Variants in MCC observed in about 807,000 individuals in gnomAD.
MCC encodes the protein MCC regulator of Wnt signaling pathway, also known as colorectal mutant cancer protein.
In MCC, 90 loss-of-function variants were observed where a neutral mutation model predicts 116.2. The observed-to-expected ratio is 0.77, with a 90% CI of 0.65 to 0.92. The LOEUF is 0.92. Ranked by LOEUF, MCC falls within the 40% of genes least tolerant of loss-of-function variation. MCC has a pLI of 0.00. For missense variants in MCC, 1,516 were observed against 1,312.2 expected, an observed-to-expected ratio of 1.16 and a Z score of -2.40; for synonymous variants, 578 against 510.5, an observed-to-expected ratio of 1.13 and a Z score of -1.78.
chr5:113,066,496 A>C lies in MCC; in HGVS notation c.2029+1584T>G, dbSNP rs561327826. ...GGGCTGGTAATACTATTTAAAAAAA[A>C]CCAGAGGGAGGATCAGAGCATCACT... is the stretch of plus-strand genomic sequence containing the variant. On this transcript the variant is annotated intron_variant, in intron 13 of 18. Transcript: ENST00000408903. Among the ~76,000 whole-genome samples, 44 of 152,310 alleles carry C rather than the reference A, an allele frequency of 2.9e-4. No homozygotes were observed. In the South Asian group the frequency reaches 9.1e-3, roughly 32 times the overall value.
Position 113,132,381 on chromosome 5 carries a change from TACATACATATATATATAC to T in MCC, c.885-9573_885-9556del, listed in dbSNP as rs1202423570. 7.5e-3 allele frequency among the ~76,000 whole-genome samples: 963 copies of T among 128,214 alleles called. 3 individuals carry two copies. The highest frequency in any genetic ancestry group is 0.014 in the East Asian group (67 of 4,704). 84.1% of individuals were successfully genotyped at this position (128,214 alleles called of 152,430 possible). A position where few individuals can be genotyped will look rare whatever the true frequency, so the allele number is the denominator to read the frequency against. On this transcript the variant is annotated intron_variant, in intron 5 of 18. Transcript: ENST00000408903. ...ATATGTGTGTGTGTGTGTATATATATACATACATATATATATACATACATACATATATATATACACACA... is the reference window on the plus strand; with the variant it reads ...ATATGTGTGTGTGTGTGTATATATATATACATACATATATATATACACACA...
chr5:113,232,434 A>C (rs1207016704), intron 3 of MCC, among the ~76,000 whole-genome samples: 1 of 152,160 alleles, frequency 6.6e-6, no homozygotes, highest in African/African-American at 2.4e-5. Flanking sequence ...ATGTGAGTCA[A>C]CATGTCCACA....
chr5:113,101,591 CAAG>C (rs1756413676), intron 8 of MCC, 145 bp downstream of exon 8: 2 of 745,178 alleles, frequency 2.7e-6, no homozygotes, highest in South Asian at 1.8e-5. Flanking sequence ...GAACTACTTT[CAAG>C]AAGGACTTCA....
At chr5:113,413,709 T>C (rs1290656519) in intron 1 of MCC, among the ~76,000 whole-genome samples, 1 of 152,214 alleles carries the variant, frequency 6.6e-6, no homozygotes, top group Non-Finnish European at 1.5e-5. Flanking sequence ...TTGTTGATCT[T>C]TTCAAAAAAC....
intron 1 of MCC, among the ~76,000 whole-genome samples, chr5:113,482,675 GT>G (rs1202809711): frequency 3.9e-5 from 6 of 152,074 alleles, no homozygotes; most frequent in Non-Finnish European, 5.9e-5. Flanking sequence ...TGTACAATTT[GT>G]AAATATTTTC....
chr5:113,112,818 C>G (rs1322755514), intron 6 of MCC, among the ~76,000 whole-genome samples: 1 of 152,192 alleles, frequency 6.6e-6, no homozygotes, highest in Non-Finnish European at 1.5e-5. Context: ...AAATGGAAGA[C>G]TTTTTATAAG....
chr5:113,096,121 T>C (rs7729055), intron 8 of MCC, among the ~76,000 whole-genome samples: 151,354 of 152,278 alleles, frequency 0.99, 75,230 homozygotes, highest in Non-Finnish European at 1. Context: ...CCCTAGCAGA[T>C]GCCGGGCTTA....
intron 11 of MCC, among the ~76,000 whole-genome samples, chr5:113,082,372 T>C (rs1198013599): frequency 1.3e-5 from 2 of 152,226 alleles, no homozygotes; most frequent in Non-Finnish European, 2.9e-5. Context: ...CCAGATTGCC[T>C]GTGCTGTTTC....
At chr5:113,244,175 T>C (rs1374400399) in intron 3 of MCC, among the ~76,000 whole-genome samples, 2 of 152,358 alleles carry the variant, frequency 1.3e-5, no homozygotes, top group African/African-American at 2.4e-5. Flanking sequence ...AATGGGAACA[T>C]GCCTCTCTCA....
intron 3 of MCC, among the ~76,000 whole-genome samples, chr5:113,206,125 T>C (rs1419481966): frequency 1.3e-5 from 2 of 152,218 alleles, no homozygotes; most frequent in African/African-American, 4.8e-5. Flanking sequence ...CTTGCAGTCA[T>C]TGACTCCCAA....
At chr5:113,173,041 A>G (rs1761154138) in intron 3 of MCC, among the ~76,000 whole-genome samples, 1 of 152,166 alleles carries the variant, frequency 6.6e-6, no homozygotes, top group Non-Finnish European at 1.5e-5. Context: ...TGATGTATAT[A>G]ACAGATATTA....
rs1428541816 is a variant in MCC at position 113,084,127 on chromosome 5, G to C, written c.1609C>G (p.Leu537Val). 1.9e-6 allele frequency: 3 copies of C among 1,613,970 alleles called. No homozygotes were observed. In the African/African-American group the frequency reaches 4.0e-5, roughly 22 times the overall value. The change falls in exon 10 of 19, where the codon CTG becomes GTG. Residue 537 changes from leucine (L) to valine (V), a missense_variant. Transcript: ENST00000408903. ...CCTATGCTACTGATTTCTGAGCCCA[G>C]GACTGGCCGATCAGATGATGACGAT... ...SESSSSDRPV[L>V]GSEISSIGVS...
rs1756445532 is a variant in MCC, at chr5:113,101,928, C to T, written c.1209G>A (p.Glu403=). 1.2e-6 allele frequency: 2 copies of T among 1,613,846 alleles called. No homozygotes were observed. Among genetic ancestry groups the T allele is most frequent in the Non-Finnish European group, 1.7e-6 (2 of 1,180,044 alleles). The change falls in exon 8 of 19, where the codon GAG becomes GAA. Residue 403 remains glutamate, a synonymous_variant. Coordinates refer to ENST00000408903, the MANE Select transcript of MCC (RefSeq NM_001085377.2). ...GATACAGGTCCCGGCCAAGCACCCCCTCAATCTCCTCGACTGTCTGTAAAA... is the reference window on the plus strand; with the variant it reads ...GATACAGGTCCCGGCCAAGCACCCCTTCAATCTCCTCGACTGTCTGTAAAA... The part of the protein sequence containing the change: ...DLAIKTVEEI[E]GVLGRDLYPN...
chr5:113,070,736 A>G (rs992334833), intron 12 of MCC, among the ~76,000 whole-genome samples: 4 of 152,268 alleles, frequency 2.6e-5, no homozygotes, highest in Non-Finnish European at 5.9e-5. Context: ...CAACATTTTA[A>G]GACTACAACA....
rs1750320968 is a variant in MCC, at chr5:113,023,676, C to T, written c.*3626G>A. The T allele has an allele frequency of 6.6e-6, 1 of 152,156 alleles. No homozygotes were observed. The highest frequency in any genetic ancestry group is 2.4e-5 in the African/African-American group (1 of 41,430). 9.4% of individuals were successfully genotyped at this position (152,156 alleles called of 1,614,324 possible). ...TAATAGAATGATTGGGACATACTCC[C>T]AATTAAGAATTTGCAAATTGTTTAA... On this transcript the variant is annotated 3_prime_UTR_variant, in exon 19 of 19. Transcript: ENST00000408903.
intron 1 of MCC, among the ~76,000 whole-genome samples, chr5:113,480,724 T>C (rs2150435699): frequency 6.6e-6 from 1 of 152,336 alleles, no homozygotes; most frequent in East Asian, 1.9e-4. Context: ...AAACACAACA[T>C]CAGTACTCTA....
chr5:113,431,016 G>T (rs763498564), intron 1 of MCC, among the ~76,000 whole-genome samples: 2 of 152,162 alleles, frequency 1.3e-5, no homozygotes, highest in Non-Finnish European at 2.9e-5. Flanking sequence ...GGAGCCAGTG[G>T]CAACAGAGAA....
At position 113,030,971 on chromosome 5, in the gene MCC, T is replaced by C. The variant is rs79542953; in HGVS notation, c.2757-1915A>G. Reference sequence around the variant, plus strand: ...GAGTTAGAGTCATGTAGGAACGGCATGGGAATGTGACGTCGGGGTAGAAGG... The same window carrying C: ...GAGTTAGAGTCATGTAGGAACGGCACGGGAATGTGACGTCGGGGTAGAAGG... On this transcript the variant is annotated intron_variant, in intron 17 of 18. Transcript: ENST00000408903. Among the ~76,000 whole-genome samples the C allele has an allele frequency of 6.1e-3, 935 of 152,306 alleles. 9 individuals are homozygous for C. The highest frequency in any genetic ancestry group is 0.021 in the African/African-American group (881 of 41,574).
intron 5 of MCC, among the ~76,000 whole-genome samples, chr5:113,142,135 T>C (rs938820549): frequency 2.0e-5 from 3 of 152,066 alleles, no homozygotes; most frequent in African/African-American, 7.2e-5. Flanking sequence ...AGATGCCCAT[T>C]AGTAGCCTCA....
Sources: gnomAD v4.1 joint callset for allele counts (sites outside exome capture counted in the v4.1 genomes callset) on GRCh38, gnomAD v4.1.1 for gene constraint, MANE v1.5 for transcripts, NCBI Gene and HGNC (gene_info 2026-07-23, HGNC 2026-07-21) for gene names.